Variants in SFMBT1 observed in about 807,000 individuals in gnomAD.
The protein encoded by SFMBT1 is Scm like with four mbt domains 1, also known as scm-like with four MBT domains protein 1.
A neutral mutation model predicts 108.7 loss-of-function variants in SFMBT1; 32 were observed. The observed-to-expected ratio is 0.29, with a 90% confidence interval of 0.22 to 0.40. SFMBT1 has a LOEUF of 0.40. Ranked by LOEUF, SFMBT1 falls within the 10% of genes least tolerant of loss-of-function variation. The pLI is 1.00. For missense variants in SFMBT1, 816 were observed against 1,059.6 expected, an observed-to-expected ratio of 0.77 and a Z score of 3.19; for synonymous variants, 348 against 369.5, an observed-to-expected ratio of 0.94 and a Z score of 0.67.
intron 1 of SFMBT1, among the ~76,000 whole-genome samples, chr3:53,013,750 T>G (rs911222464): frequency 2.1e-5 from 3 of 140,836 alleles, no homozygotes; most frequent in African/African-American, 5.4e-5. Context: ...TGTCTCAGCC[T>G]CCCAAGTAGC....
At chr3:53,011,633 T>C (rs563642975) in intron 1 of SFMBT1, among the ~76,000 whole-genome samples, 32 of 152,216 alleles carry the variant, frequency 2.1e-4, no homozygotes, top group African/African-American at 7.5e-4. Context: ...CTAAGAGACA[T>C]TTCAAAGTAG....
intron 1 of SFMBT1, among the ~76,000 whole-genome samples, chr3:53,030,549 T>A (rs1224507747): frequency 2.6e-5 from 4 of 152,122 alleles, no homozygotes. Context: ...CTCATTTTTC[T>A]TAACTATTTC....
chr3:52,928,929 T>C (rs1455392413), intron 8 of SFMBT1, among the ~76,000 whole-genome samples: 1 of 151,740 alleles, frequency 6.6e-6, no homozygotes, highest in African/African-American at 2.4e-5. Context: ...TGTCTCAAAC[T>C]CCTGGGCTCA....
chr3:52,907,194 A>T lies in SFMBT1; in HGVS notation c.2206T>A (p.Ser736Thr). 1 of 1,614,114 alleles carries T rather than the reference A, an allele frequency of 6.2e-7. No individual in the cohort carries two copies. Among genetic ancestry groups the T allele is most frequent in the Non-Finnish European group, 8.5e-7 (1 of 1,180,006 alleles). The change falls in exon 19 of 21, where the codon TCA (serine) becomes ACA (threonine). Residue 736 changes from serine to threonine, a missense_variant. Around this residue, in one of 5 missense-constraint regions of SFMBT1, gnomAD observed 177 missense variants for 182.0 expected, o/e 0.97. Coordinates refer to ENST00000394752, the MANE Select transcript of SFMBT1 (RefSeq NM_016329.4). ...CTTTGGGTGGGAGAAGAGGAGCATG[A>T]CTTTTTTTCTGACATTTCTGATTCT... ...QEESEMSEKK[S>T]CSSSPTQSEI...
intron 1 of SFMBT1, among the ~76,000 whole-genome samples, chr3:52,983,556 G>A (rs559977291): frequency 1.3e-5 from 2 of 152,332 alleles, no homozygotes; most frequent in South Asian, 4.1e-4. Flanking sequence ...ACTGAACAAG[G>A]GAGGAGGACA....
chr3:52,990,053 T>C (rs1705069159), intron 1 of SFMBT1, among the ~76,000 whole-genome samples: 1 of 152,218 alleles, frequency 6.6e-6, no homozygotes, highest in African/African-American at 2.4e-5. Context: ...CTAGTTGTCT[T>C]TTAGGATTTT....
intron 1 of SFMBT1, among the ~76,000 whole-genome samples, chr3:52,996,941 C>G (rs1003998325): frequency 6.7e-6 from 1 of 149,426 alleles, no homozygotes. Context: ...TAGTGGCGGT[C>G]GCCTGCAGTC....
chr3:53,040,846 T>C (rs953380341), intron 1 of SFMBT1, among the ~76,000 whole-genome samples: 1 of 126,784 alleles, frequency 7.9e-6, no homozygotes, highest in Non-Finnish European at 1.8e-5. Context: ...GGTCTCGCTA[T>C]GTCACCAGGC....
rs2106753909 is a variant in SFMBT1, at chr3:52,905,069, T to C, written c.*67A>G. On this transcript the variant is annotated 3_prime_UTR_variant, in exon 21 of 21. Coordinates refer to ENST00000394752, the MANE Select transcript of SFMBT1 (RefSeq NM_016329.4). ...GCCCCAGGACTATTCCAGCTCCACT[T>C]ATAAAGCAGGGTGAAGGATTTGCTG... 6.3e-7 allele frequency: 1 copy of C among 1,583,580 alleles called. No individual in the cohort carries two copies. Among genetic ancestry groups the C allele is most frequent in the Non-Finnish European group, 8.6e-7 (1 of 1,164,398 alleles).
intron 1 of SFMBT1, among the ~76,000 whole-genome samples, chr3:52,986,414 T>G (rs1704917183): frequency 6.6e-6 from 1 of 152,174 alleles, no homozygotes; most frequent in African/African-American, 2.4e-5. Context: ...TTTTAAAATT[T>G]TTTTGACTTT....
In SFMBT1 at chr3:52,907,329, G is replaced by C. The variant is rs1702089689; in HGVS notation, c.2086-15C>G. On this transcript the variant is annotated splice_polypyrimidine_tract_variant and intron_variant, in intron 18 of 20. Transcript: ENST00000394752. ...CCCCCACTTCCCTGCAGGAAAAGGA[G>C]AGAAGTCTCATTGAAATTCAGGACA... is the stretch of plus-strand genomic sequence containing the variant. The C allele has an allele frequency of 1.3e-6, 2 of 1,598,776 alleles. No homozygotes were observed. Among genetic ancestry groups the C allele is most frequent in the Admixed American group, 3.5e-5 (2 of 57,342 alleles).
intron 1 of SFMBT1, among the ~76,000 whole-genome samples, chr3:53,016,313 A>G (rs892076480): frequency 1.3e-5 from 2 of 152,160 alleles, no homozygotes; most frequent in Non-Finnish European, 2.9e-5. Flanking sequence ...TGCGGTGCGA[A>G]CCTCCAGAGA....
At chr3:53,033,386 C>T (rs886698476) in intron 1 of SFMBT1, among the ~76,000 whole-genome samples, 2 of 152,070 alleles carry the variant, frequency 1.3e-5, no homozygotes, top group East Asian at 1.9e-4. Flanking sequence ...GTCTCAAATG[C>T]CTGACCTCAA....
chr3:52,906,707 C>T (rs958766006), intron 19 of SFMBT1, among the ~76,000 whole-genome samples: 4 of 152,092 alleles, frequency 2.6e-5, no homozygotes, highest in Non-Finnish European at 5.9e-5. Flanking sequence ...AATGGCTTAA[C>T]CAGAATCAAA....
intron 17 of SFMBT1, among the ~76,000 whole-genome samples, chr3:52,907,980 C>T (rs949907288): frequency 1.1e-4 from 16 of 152,146 alleles, no homozygotes; most frequent in Middle Eastern, 3.2e-3. Flanking sequence ...AGTCAGTACC[C>T]CTTACTAGAA....
At chr3:52,936,642 C>T (rs1273798830) in intron 4 of SFMBT1, among the ~76,000 whole-genome samples, 1 of 152,116 alleles carries the variant, frequency 6.6e-6, no homozygotes, top group East Asian at 1.9e-4. Flanking sequence ...TAGTGCAGGA[C>T]TCAGCTACTT....
At chr3:52,973,599 A>C (rs1704419447) in intron 1 of SFMBT1, among the ~76,000 whole-genome samples, 1 of 152,214 alleles carries the variant, frequency 6.6e-6, no homozygotes. Flanking sequence ...TCATCTGAAC[A>C]ACAAATATGT....
intron 1 of SFMBT1, among the ~76,000 whole-genome samples, chr3:52,985,411 C>A (rs1309145946): frequency 2.6e-5 from 4 of 152,160 alleles, no homozygotes; most frequent in Non-Finnish European, 5.9e-5. Context: ...ATGTATGTGC[C>A]TGGCACTTTT....
intron 1 of SFMBT1, among the ~76,000 whole-genome samples, chr3:53,014,202 A>G (rs560337137): frequency 6.6e-6 from 1 of 152,350 alleles, no homozygotes; most frequent in South Asian, 2.1e-4. Context: ...AAATATTTAC[A>G]TGTAAGGCTT....
Sources: gnomAD v4.1 joint callset for allele counts (sites outside exome capture counted in the v4.1 genomes callset) on GRCh38, gnomAD v4.1.1 for gene constraint, gnomAD v4.1.1 regional missense constraint, MANE v1.5 for transcripts, NCBI Gene and HGNC (gene_info 2026-07-23, HGNC 2026-07-21) for gene names.